Variants in GPBP1 observed in about 807,000 individuals in gnomAD.
GPBP1 encodes GC-rich promoter binding protein 1.
A neutral mutation model predicts 56.5 loss-of-function variants in GPBP1; 13 were observed. The observed-to-expected ratio is 0.23, with a 90% confidence interval of 0.15 to 0.37. The LOEUF (loss-of-function observed/expected upper bound fraction) is 0.37, where lower values mean the gene tolerates loss of function less well. Ranked by LOEUF, GPBP1 falls within the 10% of genes least tolerant of loss-of-function variation. GPBP1 has a pLI of 1.00. For synonymous variants in GPBP1, 204 were observed against 188.9 expected (o/e 1.08, Z -0.66); for missense variants, 477 against 572.3 (o/e 0.83, Z 1.70).
chr5:57,188,968 G>T (rs1364271212), intron 2 of GPBP1, among the ~76,000 whole-genome samples: 1 of 151,964 alleles, frequency 6.6e-6, no homozygotes, highest in Non-Finnish European at 1.5e-5. Context: ...TACTAGACTT[G>T]TACAAGCCTC....
At chr5:57,250,700 G>A (rs1029914541) in intron 9 of GPBP1, among the ~76,000 whole-genome samples, 3 of 151,734 alleles carry the variant, frequency 2.0e-5, no homozygotes, top group African/African-American at 4.8e-5. Flanking sequence ...GTATCACCAC[G>A]CCCAGCTAAT....
chr5:57,197,101 A>G (rs558254022), intron 2 of GPBP1, among the ~76,000 whole-genome samples: 19 of 152,030 alleles, frequency 1.2e-4, no homozygotes, highest in African/African-American at 4.6e-4. Context: ...TTTAGTAGAG[A>G]CAGCGTTTCA....
intron 11 of GPBP1, 109 bp downstream of exon 11, chr5:57,261,391 G>T: frequency 1.5e-6 from 1 of 653,514 alleles, no homozygotes; most frequent in East Asian, 2.7e-5. Flanking sequence ...ATCACGATAG[G>T]TCAGAATTGC....
chr5:57,263,621 C>T lies in GPBP1; in HGVS notation c.*869C>T, dbSNP rs1240123352. 6.6e-6 allele frequency: 1 copy of T among 152,106 alleles called. No homozygotes were observed. Among genetic ancestry groups the T allele is most frequent in the Non-Finnish European group, 1.5e-5 (1 of 67,990 alleles). 9.4% of individuals were successfully genotyped at this position (152,106 alleles called of 1,614,324 possible). ...TTCTGTAGTGTTCAAGGTATTGTTTCTAAACATAAACATACTCTAAACATG... is the reference window on the plus strand; with the variant it reads ...TTCTGTAGTGTTCAAGGTATTGTTTTTAAACATAAACATACTCTAAACATG... On this transcript the variant is annotated 3_prime_UTR_variant, in exon 12 of 12. Coordinates refer to ENST00000506184, the MANE Select transcript of GPBP1 (RefSeq NM_022913.4).
chr5:57,203,603 C>CCA (rs1220370646), intron 2 of GPBP1, among the ~76,000 whole-genome samples: 1 of 152,090 alleles, frequency 6.6e-6, no homozygotes. Context: ...CAAGATTGTA[C>CCA]CACTGTACTT....
At chr5:57,242,232 C>A (rs59482223) in intron 6 of GPBP1, among the ~76,000 whole-genome samples, 10 of 152,290 alleles carry the variant, frequency 6.6e-5, no homozygotes, top group African/African-American at 2.2e-4. Flanking sequence ...GAAATTCTTG[C>A]AAAAGGACAC....
intron 6 of GPBP1, chr5:57,245,568 A>C (rs1403871878): frequency 1.3e-5 from 2 of 152,126 alleles, no homozygotes; most frequent in East Asian, 3.8e-4. Context: ...GGGAAGAAAG[A>C]AAGACTTCAC....
intron 2 of GPBP1, among the ~76,000 whole-genome samples, chr5:57,177,270 C>T (rs1421135244): frequency 1.3e-5 from 2 of 151,892 alleles, no homozygotes; most frequent in Non-Finnish European, 1.5e-5. Flanking sequence ...CAGGATTAAA[C>T]GGTGTTTTTA....
In GPBP1 at chr5:57,246,469, T is replaced by C; in HGVS notation, c.648T>C (p.Ala216=). ...ATAAAGGTTTAGTCCCTAAACCTGC[T>C]GCTCCACCTACAAAAGTAAGTTCTA... ...SVYKGLVPKP[A]APPTKPTQWK... The change falls in exon 7 of 12, where the codon GCT becomes GCC. Residue 216 remains alanine (A), a synonymous_variant. Coordinates refer to ENST00000506184, the MANE Select transcript of GPBP1 (RefSeq NM_022913.4). 6.3e-7 allele frequency: 1 copy of C among 1,594,272 alleles called. No individual in the cohort carries two copies.
intron 2 of GPBP1, among the ~76,000 whole-genome samples, chr5:57,190,991 G>A (rs571152783): frequency 6.6e-6 from 1 of 152,136 alleles, no homozygotes; most frequent in South Asian, 2.1e-4. Context: ...AAAACATATT[G>A]TCTTGAACTC....
intron 6 of GPBP1, among the ~76,000 whole-genome samples, chr5:57,241,610 G>A (rs955791114): frequency 2.6e-5 from 4 of 152,138 alleles, no homozygotes; most frequent in Admixed American, 2.0e-4. Context: ...ATTTATTTGC[G>A]AGGATAGAGG....
chr5:57,248,112 T>G (rs1041942723), intron 8 of GPBP1, among the ~76,000 whole-genome samples: 1 of 152,096 alleles, frequency 6.6e-6, no homozygotes, highest in Non-Finnish European at 1.5e-5. Flanking sequence ...GATAGTTACC[T>G]TGTAGGATTG....
chr5:57,188,787 A>G (rs1471070746), intron 2 of GPBP1, among the ~76,000 whole-genome samples: 1 of 151,524 alleles, frequency 6.6e-6, no homozygotes, highest in Admixed American at 6.6e-5. Context: ...CTAGCCCCAT[A>G]CTCTCTCTAT....
chr5:57,205,681 A>T, intron 2 of GPBP1, among the ~76,000 whole-genome samples: 1 of 150,776 alleles, frequency 6.6e-6, no homozygotes. Flanking sequence ...GATACTGAGT[A>T]TATTTTATGT....
intron 3 of GPBP1, among the ~76,000 whole-genome samples, chr5:57,229,466 A>G (rs1272524858): frequency 6.6e-6 from 1 of 151,682 alleles, no homozygotes; most frequent in Non-Finnish European, 1.5e-5. Flanking sequence ...GTATTGATTT[A>G]TAGAGCTCTA....
chr5:57,197,662 T>G (rs1754826456), intron 2 of GPBP1, among the ~76,000 whole-genome samples: 1 of 147,496 alleles, frequency 6.8e-6, no homozygotes, highest in South Asian at 2.2e-4. Flanking sequence ...CCTGGCCTGC[T>G]TCAATTTTTT....
intron 3 of GPBP1, among the ~76,000 whole-genome samples, chr5:57,222,586 C>T (rs1442290525): frequency 6.6e-6 from 1 of 151,914 alleles, no homozygotes; most frequent in Admixed American, 6.6e-5. Flanking sequence ...GGAAATTCAT[C>T]TCTTTTTAGT....
intron 3 of GPBP1, chr5:57,221,305 T>A: frequency 2.8e-6 from 3 of 1,070,750 alleles, no homozygotes; most frequent in Non-Finnish European, 3.9e-6. Context: ...TTTTTTCTTT[T>A]GTGATTTTCT....
At chr5:57,234,912 G>T (rs1756601611) in intron 5 of GPBP1, among the ~76,000 whole-genome samples, 1 of 152,148 alleles carries the variant, frequency 6.6e-6, no homozygotes, top group African/African-American at 2.4e-5. Context: ...TTATAGCTTG[G>T]TGAAACCTGA....
Sources: allele counts gnomAD v4.1 joint callset (sites outside exome capture counted in the v4.1 genomes callset), GRCh38; gene constraint gnomAD v4.1.1; transcripts MANE v1.5; gene names NCBI Gene and HGNC (gene_info 2026-07-23, HGNC 2026-07-21).